ZNF521: variants seen among roughly 807,000 people sequenced by gnomAD.
ZNF521 encodes zinc finger protein 521.
In ZNF521, 14 loss-of-function variants were observed where a neutral mutation model predicts 105.5. The observed-to-expected ratio is 0.13, with a 90% CI of 0.09 to 0.21. The LOEUF (loss-of-function observed/expected upper bound fraction) is 0.21. Among genes scored for constraint, ZNF521 ranks in the 10% least tolerant of loss-of-function variants. ZNF521 has a pLI of 1.00. For missense variants in ZNF521, 1,233 were observed against 1,629.7 expected, an observed-to-expected ratio of 0.76 and a Z score of 4.19; for synonymous variants, 635 against 606.0, an observed-to-expected ratio of 1.05 and a Z score of -0.70.
intron 5 of ZNF521, among the ~76,000 whole-genome samples, chr18:25,170,686 C>T (rs998702696): frequency 2.0e-5 from 3 of 151,994 alleles, no homozygotes; most frequent in Admixed American, 6.6e-5. Flanking sequence ...AAATCGTAGC[C>T]GTGTAACATA....
In ZNF521 at chr18:25,240,053, G is replaced by A. The variant is rs112342316; in HGVS notation, c.221-12356C>T. Among the ~76,000 whole-genome samples, 496 of 151,844 alleles carry A rather than the reference G, an allele frequency of 3.3e-3. 4 individuals carry two copies. The highest frequency in any genetic ancestry group is 0.011 in the African/African-American group (471 of 41,388). ...ATCAGAAGCAGTGCACTCTATTGTC[G>A]TTCAGGGCTGTTAAAGACAAATGAT... is the stretch of plus-strand genomic sequence containing the variant. On this transcript the variant is annotated intron_variant, in intron 3 of 7. Coordinates refer to ENST00000361524, the MANE Select transcript of ZNF521 (RefSeq NM_015461.3).
chr18:25,257,648 A>C (rs968120206), intron 3 of ZNF521, among the ~76,000 whole-genome samples: 3 of 152,198 alleles, frequency 2.0e-5, no homozygotes, highest in African/African-American at 7.2e-5. Context: ...CAATAGGAAA[A>C]CAGAAAATAA....
At chr18:25,090,575 T>G (rs2144211932) in intron 6 of ZNF521, among the ~76,000 whole-genome samples, 1 of 152,324 alleles carries the variant, frequency 6.6e-6, no homozygotes, top group South Asian at 2.1e-4. Flanking sequence ...CTAAAACAAT[T>G]CACGTCTGTC....
chr18:25,185,289 A>T (rs534153736), intron 5 of ZNF521, among the ~76,000 whole-genome samples: 130 of 152,170 alleles, frequency 8.5e-4, no homozygotes, highest in Non-Finnish European at 1.0e-3. Flanking sequence ...AAGAGGAGAG[A>T]CATTGTAAAT....
intron 3 of ZNF521, among the ~76,000 whole-genome samples, chr18:25,258,938 A>C (rs1001190762): frequency 1.3e-5 from 2 of 152,202 alleles, no homozygotes; most frequent in African/African-American, 4.8e-5. Flanking sequence ...ACAATGTGCC[A>C]GGCACCCTGC....
At chr18:25,306,189 T>C (rs188457153) in intron 3 of ZNF521, among the ~76,000 whole-genome samples, 41 of 152,350 alleles carry the variant, frequency 2.7e-4, no homozygotes, top group African/African-American at 8.7e-4. Flanking sequence ...CTTTAGAAGA[T>C]TGGTAAGAAT....
At chr18:25,333,794 T>G (rs1913723722) in intron 2 of ZNF521, among the ~76,000 whole-genome samples, 1 of 152,204 alleles carries the variant, frequency 6.6e-6, no homozygotes, top group African/African-American at 2.4e-5. Context: ...GTGGGAAATA[T>G]GAATTTGTTT....
chr18:25,177,802 A>G (rs1381687188), intron 5 of ZNF521, among the ~76,000 whole-genome samples: 2 of 152,218 alleles, frequency 1.3e-5, no homozygotes, highest in South Asian at 2.1e-4. Flanking sequence ...ACCAGCACCA[A>G]TGAAGAGTTG....
intron 2 of ZNF521, 25 bp from the exon 3 acceptor site, chr18:25,322,212 A>G (rs745389142): frequency 1.1e-5 from 18 of 1,609,498 alleles, no homozygotes; most frequent in Middle Eastern, 1.6e-4. Context: ...CACTGTAAGT[A>G]TGGGGTTTAA....
At chr18:25,344,385 A>C (rs1372729799) in intron 2 of ZNF521, among the ~76,000 whole-genome samples, 2 of 152,198 alleles carry the variant, frequency 1.3e-5, no homozygotes, top group African/African-American at 4.8e-5. Flanking sequence ...TTAAGTTTTA[A>C]TTGCTTTGTA....
chr18:25,133,881 G>C (rs1567976594), intron 5 of ZNF521, among the ~76,000 whole-genome samples: 1 of 152,126 alleles, frequency 6.6e-6, no homozygotes, highest in South Asian at 2.1e-4. Flanking sequence ...TTCTGAGCCT[G>C]CAATAGAATA....
intron 5 of ZNF521, among the ~76,000 whole-genome samples, chr18:25,129,720 T>A (rs1048081816): frequency 6.6e-6 from 1 of 151,806 alleles, no homozygotes; most frequent in African/African-American, 2.4e-5. Context: ...AGATGGCAAA[T>A]AGGTACATAA....
chr18:25,230,279 T>C (rs1368574328), intron 3 of ZNF521, among the ~76,000 whole-genome samples: 4 of 152,152 alleles, frequency 2.6e-5, no homozygotes, highest in Non-Finnish European at 5.9e-5. Flanking sequence ...AAATAAAGCA[T>C]CCCTGAAAGG....
chr18:25,112,736 T>C (rs1393162950), intron 5 of ZNF521, among the ~76,000 whole-genome samples: 1 of 152,174 alleles, frequency 6.6e-6, no homozygotes, highest in African/African-American at 2.4e-5. Context: ...ATATCTCTAT[T>C]AACAGCCTGT....
At chr18:25,076,068 G>A (rs185004932) in intron 7 of ZNF521, among the ~76,000 whole-genome samples, 42 of 152,274 alleles carry the variant, frequency 2.8e-4, no homozygotes. Context: ...TAAGCATCAT[G>A]ATCTTGAGAG....
In ZNF521 at chr18:25,226,230, G is replaced by A; in HGVS notation, c.1688C>T (p.Ser563Phe). The change falls in exon 4 of 8, where the codon TCC becomes TTC. Residue 563 changes from serine (S) to phenylalanine (F), a missense_variant. Transcript: ENST00000361524. The surrounding 1 kb of genome is among the most constrained non-coding windows in gnomAD (Gnocchi z 4.1). ...GAATATTGGCGAATTTGTACAATAG[G>A]AACAAGAATAGACTTCTACTACTGG... The part of the protein sequence containing the change: ...KEPVVEVYSC[S>F]YCTNSPIFNS... 3.1e-6 allele frequency: 5 copies of A among 1,614,176 alleles called. No individual in the cohort carries two copies. The highest frequency in any genetic ancestry group is 4.2e-6 in the Non-Finnish European group (5 of 1,180,026).
rs57083520 is a variant in ZNF521 at position 25,244,282 on chromosome 18, GCACACACA to G, written c.221-16593_221-16586del. Among the ~76,000 whole-genome samples, 627 of 147,432 alleles carry G rather than the reference GCACACACA, an allele frequency of 4.3e-3. 4 individuals are homozygous for G. The highest frequency in any genetic ancestry group is 4.1e-3 in the Non-Finnish European group (272 of 66,352). ...TAACACACAAGCTGTGTATGCATGT[GCACACACA>G]CACACACACACACACACACACACTC... On this transcript the variant is annotated intron_variant, in intron 3 of 7. Transcript: ENST00000361524.
intron 5 of ZNF521, among the ~76,000 whole-genome samples, chr18:25,148,312 T>G (rs952219323): frequency 6.6e-6 from 1 of 152,322 alleles, no homozygotes; most frequent in Non-Finnish European, 1.5e-5. Flanking sequence ...TGATTGAGTA[T>G]AGATACGAGG....
At chr18:25,091,657 GA>G (rs56880735) in intron 6 of ZNF521, among the ~76,000 whole-genome samples, 10 of 147,580 alleles carry the variant, frequency 6.8e-5, no homozygotes, top group Admixed American at 1.3e-4. Flanking sequence ...AACATCGAGA[GA>G]AAAAAAAAAG....
Sources: allele counts gnomAD v4.1 joint callset (sites outside exome capture counted in the v4.1 genomes callset), GRCh38; gene constraint gnomAD v4.1.1; non-coding constraint Gnocchi (gnomAD v3.1); transcripts MANE v1.5; gene names NCBI Gene and HGNC (gene_info 2026-07-23, HGNC 2026-07-21).